Variants in DOCK7 observed in about 807,000 individuals in gnomAD.
DOCK7 encodes dedicator of cytokinesis 7, also known as dedicator of cytokinesis protein 7.
Under a neutral mutation model 271.0 loss-of-function variants are expected in DOCK7, and 138 were observed. The ratio of observed to expected loss-of-function variants is 0.51; its 90% CI spans 0.44 to 0.59. The LOEUF is 0.59. DOCK7 is among the 20% of genes least tolerant of loss of function. The pLI is 0.00. For synonymous variants in DOCK7, 823 were observed against 876.1 expected (o/e 0.94, Z 1.07); for missense variants, 2,066 against 2,592.4 (o/e 0.80, Z 4.41).
chr1:62,563,239 C>T (rs180775425), intron 18 of DOCK7, among the ~76,000 whole-genome samples: 58 of 152,286 alleles, frequency 3.8e-4, no homozygotes, highest in African/African-American at 1.3e-3. Flanking sequence ...GGACCTTCAC[C>T]TCTACCTGAC....
intron 18 of DOCK7, among the ~76,000 whole-genome samples, chr1:62,561,998 G>GTACATATATATGTACATATATT (rs1646338487): frequency 6.6e-6 from 1 of 151,006 alleles, no homozygotes; most frequent in South Asian, 2.1e-4. Context: ...GTACATATAT[G>GTACATATATATGTACATATATT]TACATATATA....
intron 1 of DOCK7, among the ~76,000 whole-genome samples, chr1:62,672,061 C>T (rs1167859439): frequency 2.0e-5 from 3 of 151,680 alleles, no homozygotes; most frequent in African/African-American, 7.3e-5. Flanking sequence ...TCAAACTTCA[C>T]AAAGAGGTGA....
intron 14 of DOCK7, chr1:62,597,715 T>G (rs151064896): frequency 6.2e-7 from 1 of 1,613,566 alleles, no homozygotes; most frequent in African/African-American, 1.3e-5. Context: ...GCCAATGGCC[T>G]CCTTCAGTTG....
In DOCK7 at chr1:62,545,345, T is replaced by C. The variant is rs545237762; in HGVS notation, c.2767-306A>G. Reference sequence around the variant, plus strand: ...TTCCCACAGCACCACACCCCCAAACTTTCTTTAAAGATAGTACAAGTTAGC... The same window carrying C: ...TTCCCACAGCACCACACCCCCAAACCTTCTTTAAAGATAGTACAAGTTAGC... On this transcript the variant is annotated intron_variant, in intron 22 of 49. Coordinates refer to ENST00000635253, the MANE Select transcript of DOCK7 (RefSeq NM_001367561.1). Among the ~76,000 whole-genome samples the C allele has an allele frequency of 2.1e-3, 316 of 152,240 alleles. 2 individuals carry two copies. Among genetic ancestry groups the C allele is most frequent in the African/African-American group, 7.2e-3 (301 of 41,544 alleles).
At chr1:62,458,423 C>T (rs1200218611) in intron 48 of DOCK7, 1 of 151,962 alleles carries the variant, frequency 6.6e-6, no homozygotes. Context: ...ATTTTTTTCA[C>T]ATCACCACTT....
chr1:62,556,873 T>C (rs181732429), intron 20 of DOCK7, among the ~76,000 whole-genome samples: 1 of 152,262 alleles, frequency 6.6e-6, no homozygotes. Context: ...GACAGAAACC[T>C]GAGCGAAGTT....
chr1:62,665,532 C>T (rs1276093085), intron 1 of DOCK7, among the ~76,000 whole-genome samples: 2 of 150,902 alleles, frequency 1.3e-5, no homozygotes, highest in Admixed American at 6.6e-5. Flanking sequence ...GGTGAAACCC[C>T]GCCTCTACTA....
chr1:62,676,812 T>C (rs1660592663), intron 1 of DOCK7, among the ~76,000 whole-genome samples: 1 of 152,130 alleles, frequency 6.6e-6, no homozygotes, highest in African/African-American at 2.4e-5. Flanking sequence ...GATGCAAGCA[T>C]ACAGATGCAG....
chr1:62,592,804 T>A (rs1648655612), intron 14 of DOCK7, among the ~76,000 whole-genome samples: 1 of 152,182 alleles, frequency 6.6e-6, no homozygotes, highest in Non-Finnish European at 1.5e-5. Flanking sequence ...TCTCATATAC[T>A]CCTGGCAGGG....
At chr1:62,487,692 C>A (rs899155155) in intron 42 of DOCK7, 3 of 327,918 alleles carry the variant, frequency 9.1e-6, no homozygotes, top group East Asian at 5.2e-5. Flanking sequence ...TAAGTAAGAT[C>A]TCTAACTAAG....
chr1:62,572,565 G>A (rs1646817222), intron 18 of DOCK7, among the ~76,000 whole-genome samples: 1 of 152,150 alleles, frequency 6.6e-6, no homozygotes, highest in Non-Finnish European at 1.5e-5. Context: ...TAAGATCAAG[G>A]TGCCAGCATG....
chr1:62,661,423 T>C (rs1157630914), intron 2 of DOCK7, among the ~76,000 whole-genome samples: 1 of 152,032 alleles, frequency 6.6e-6, no homozygotes, highest in Non-Finnish European at 1.5e-5. Flanking sequence ...GTTAGAATGG[T>C]AAATTTTATG....
rs970684338 is a variant in DOCK7 at position 62,679,991 on chromosome 1, C to T, written c.38+8236G>A. Among the ~76,000 whole-genome samples, 29 of 152,222 alleles carry T rather than the reference C, an allele frequency of 1.9e-4. 2 individuals carry two copies. The highest frequency in any genetic ancestry group is 6.5e-4 in the African/African-American group (27 of 41,516). ...GGTAATTTATAGATTCAATGCCATC[C>T]CCATCAAGCTACCAATGACTTTCTT... On this transcript the variant is annotated intron_variant, in intron 1 of 49. Transcript: ENST00000635253.
Position 62,586,637 on chromosome 1 carries a change from C to A in DOCK7, c.1683-13G>T. 1 of 1,499,842 alleles carries A rather than the reference C, an allele frequency of 6.7e-7. No homozygotes were observed. Among genetic ancestry groups the A allele is most frequent in the Non-Finnish European group, 9.3e-7 (1 of 1,079,766 alleles). The allele number at this position is 1,499,842 out of a possible 1,614,324, so 92.9% of individuals were successfully genotyped here. ...GTAGAGAAGATTTCTGTGAAAGCAA[C>A]AGTATAGATGATAGTAAATACATAT... On this transcript the variant is annotated splice_polypyrimidine_tract_variant and intron_variant, in intron 14 of 49. Transcript: ENST00000635253.
At chr1:62,531,113 A>T (rs1645161678) in intron 29 of DOCK7, among the ~76,000 whole-genome samples, 1 of 152,214 alleles carries the variant, frequency 6.6e-6, no homozygotes, top group South Asian at 2.1e-4. Flanking sequence ...GATTTTCTCC[A>T]GTAGTTCCCA....
intron 13 of DOCK7, 57 bp downstream of exon 13, chr1:62,619,843 A>G: frequency 1.8e-6 from 2 of 1,125,212 alleles, no homozygotes; most frequent in Non-Finnish European, 2.6e-6. Context: ...TATAAGCAAT[A>G]CAACATAGTA....
In DOCK7 at chr1:62,505,942, A is replaced by C. The variant is rs781364771; in HGVS notation, c.4477-126T>G. On this transcript the variant is annotated intron_variant, in intron 35 of 49. Transcript: ENST00000635253. ...ATAAGTAAAGTTTTAAAAGATAAAA[A>C]AATGATAACATAAGATCTAGGATGG... 570 of 894,806 alleles carry C rather than the reference A, an allele frequency of 6.4e-4. 3 individuals carry two copies. Among genetic ancestry groups the C allele is most frequent in the Non-Finnish European group, 8.3e-4 (519 of 627,062 alleles). 55.4% of individuals were successfully genotyped at this position (894,806 alleles called of 1,614,324 possible). A position where few individuals can be genotyped will look rare whatever the true frequency, so the allele number is the denominator to read the frequency against.
At chr1:62,585,883 A>G (rs1647438892) in intron 15 of DOCK7, among the ~76,000 whole-genome samples, 1 of 152,178 alleles carries the variant, frequency 6.6e-6, no homozygotes, top group Non-Finnish European at 1.5e-5. Context: ...AGACTTAAAA[A>G]TACTGAAACC....
chr1:62,555,878 T>C lies in DOCK7; in HGVS notation c.2543A>G (p.Tyr848Cys). ...TGGTAGGCGGAAAACATAATGAATATATGATGCAAGAAGGCTGTTTCTGCC... is the reference window on the plus strand; with the variant it reads ...TGGTAGGCGGAAAACATAATGAATACATGATGCAAGAAGGCTGTTTCTGCC... ...QHGRNSLLAS[Y>C]IHYVFRLPNT... The change falls in exon 21 of 50, where the codon TAT becomes TGT. Residue 848 changes from tyrosine to cysteine, a missense_variant. Coordinates refer to ENST00000635253, the MANE Select transcript of DOCK7 (RefSeq NM_001367561.1). 6.2e-7 allele frequency: 1 copy of C among 1,613,894 alleles called. No homozygotes were observed. Among genetic ancestry groups the C allele is most frequent in the Non-Finnish European group, 8.5e-7 (1 of 1,179,924 alleles).
Sources: gnomAD v4.1 joint callset for allele counts (sites outside exome capture counted in the v4.1 genomes callset) on GRCh38, gnomAD v4.1.1 for gene constraint, MANE v1.5 for transcripts, NCBI Gene and HGNC (gene_info 2026-07-23, HGNC 2026-07-21) for gene names.